Variants in DACH2 observed in about 807,000 individuals in gnomAD.
The protein encoded by DACH2 is dachshund homolog 2.
A neutral mutation model predicts 35.8 loss-of-function variants in DACH2; 17 were observed. The ratio of observed to expected loss-of-function variants is 0.48; its 90% CI spans 0.33 to 0.71. DACH2 has a LOEUF of 0.71. DACH2 is among the 30% of genes least tolerant of loss of function. The pLI, the probability that DACH2 is intolerant of heterozygous loss-of-function variation, is 0.02. For synonymous variants in DACH2, 195 were observed against 177.3 expected, an observed-to-expected ratio of 1.10 and a Z score of -0.79; for missense variants, 469 against 472.7, an observed-to-expected ratio of 0.99 and a Z score of 0.07.
chrX:86,427,657 T>C (rs1333937075), intron 2 of DACH2, among the ~76,000 whole-genome samples: 1 of 111,637 alleles, frequency 9.0e-6, no homozygotes, highest in Non-Finnish European at 1.9e-5. Flanking sequence ...AGAAAAAGAA[T>C]TCTTTTAACC....
intron 2 of DACH2, among the ~76,000 whole-genome samples, chrX:86,398,282 C>A (rs2148126801): frequency 8.9e-6 from 1 of 112,044 alleles, no homozygotes; most frequent in African/African-American, 3.2e-5. Flanking sequence ...TCTCTCTTTT[C>A]TTCTTTATTA....
At chrX:86,820,184 G>A (rs945817455) in intron 11 of DACH2, among the ~76,000 whole-genome samples, 35 of 110,879 alleles carry the variant, frequency 3.2e-4, no homozygotes, top group African/African-American at 1.0e-3. Context: ...TTTGTTTGGG[G>A]AAAAAAAATA....
intron 3 of DACH2, among the ~76,000 whole-genome samples, chrX:86,543,669 G>A (rs996463711): frequency 9.0e-6 from 1 of 110,536 alleles, no homozygotes; most frequent in East Asian, 2.9e-4. Context: ...CTTCAAGAAT[G>A]TCAGAATACA....
intron 1 of DACH2, among the ~76,000 whole-genome samples, chrX:86,369,357 T>C (rs1322565044): frequency 9.0e-6 from 1 of 111,361 alleles, no homozygotes; most frequent in African/African-American, 3.3e-5. Flanking sequence ...TATTTTATTT[T>C]AAAATCCTTG....
intron 2 of DACH2, among the ~76,000 whole-genome samples, chrX:86,425,203 G>T (rs762577970): frequency 3.0e-4 from 33 of 110,645 alleles, no homozygotes; most frequent in African/African-American, 1.0e-3. Flanking sequence ...GAATGAGTTT[G>T]GAAGTATTCC....
chrX:86,320,335 C>T (rs184875520), intron 1 of DACH2, among the ~76,000 whole-genome samples: 2 of 112,312 alleles, frequency 1.8e-5, no homozygotes, highest in African/African-American at 6.5e-5. Context: ...AATCCTTTTT[C>T]ATTAATTAAA....
chrX:86,402,729 A>G (rs912077770), intron 2 of DACH2, among the ~76,000 whole-genome samples: 1 of 112,049 alleles, frequency 8.9e-6, no homozygotes, highest in Non-Finnish European at 1.9e-5. Flanking sequence ...AGTCAAAGCA[A>G]TCCTGAGCAA....
chrX:86,272,271 T>C (rs1375904384), intron 1 of DACH2, among the ~76,000 whole-genome samples: 1 of 110,295 alleles, frequency 9.1e-6, no homozygotes, highest in Non-Finnish European at 1.9e-5. Context: ...TGCTTAGGTT[T>C]ATTTCATACC....
rs1556364404 is a variant in DACH2 at position 86,667,614 on chromosome X, A to AAGAAAGGC, written c.772+16449_772+16450insAAAGGCAG. On this transcript the variant is annotated intron_variant, in intron 4 of 11. Coordinates refer to ENST00000373125, the MANE Select transcript of DACH2 (RefSeq NM_053281.3). ...AAAGAAAGAAAGAAAGAAAGAAAGA[A>AAGAAAGGC]AGGCAGGCAGGCCCTGGTCTTAACC... 5.4e-4 allele frequency among the ~76,000 whole-genome samples: 52 copies of AAGAAAGGC among 96,880 alleles called. No individual in the cohort carries two copies. The East Asian group carries it at 5.7e-3, about 11-fold the overall frequency. The allele number at this position is 96,880 out of a possible 115,157, so 84.1% of individuals were successfully genotyped here.
rs1333268452 is a variant in DACH2, at chrX:86,656,857, G to GTGTGTGTATATATATATA, written c.772+5691_772+5692insGTGTGTATATATATATAT. On this transcript the variant is annotated intron_variant, in intron 4 of 11. Coordinates refer to ENST00000373125, the MANE Select transcript of DACH2 (RefSeq NM_053281.3). ...TGTATTAAAATACATGTGTGTGTGT[G>GTGTGTGTATATATATATA]TATATATATATATATATATATATAT... is the stretch of plus-strand genomic sequence containing the variant. Among the ~76,000 whole-genome samples the GTGTGTGTATATATATATA allele has an allele frequency of 1.5e-3, 98 of 66,727 alleles. 1 individual carries two copies. The highest frequency in any genetic ancestry group is 6.6e-3 in the African/African-American group (91 of 13,885). The allele number at this position is 66,727 out of a possible 115,157, so 57.9% of individuals were successfully genotyped here. A position where few individuals can be genotyped will look rare whatever the true frequency, so the allele number is the denominator to read the frequency against.
intron 7 of DACH2, among the ~76,000 whole-genome samples, chrX:86,780,934 A>T (rs749493098): frequency 9.0e-6 from 1 of 111,537 alleles, no homozygotes; most frequent in Admixed American, 9.5e-5. Context: ...GGAAAGGCTG[A>T]TGGCAGCATG....
At chrX:86,442,910 A>C (rs1034276775) in intron 2 of DACH2, among the ~76,000 whole-genome samples, 1 of 111,174 alleles carries the variant, frequency 9.0e-6, no homozygotes, top group Non-Finnish European at 1.9e-5. Context: ...TTTTTGGGCT[A>C]TCTTTTCTGT....
intron 1 of DACH2, among the ~76,000 whole-genome samples, chrX:86,295,359 A>G (rs1408535924): frequency 8.9e-6 from 1 of 112,084 alleles, no homozygotes. Context: ...TCAGATGGAA[A>G]TGCAGAAATC....
At chrX:86,653,663 CTTT>C (rs34499664) in intron 4 of DACH2, among the ~76,000 whole-genome samples, 6 of 69,664 alleles carry the variant, frequency 8.6e-5, no homozygotes, top group Non-Finnish European at 8.2e-5. Context: ...ATATAAAATC[CTTT>C]TTTTTTTTTT....
At chrX:86,323,563 A>G (rs1396880651) in intron 1 of DACH2, among the ~76,000 whole-genome samples, 5 of 111,689 alleles carry the variant, frequency 4.5e-5, no homozygotes, top group Non-Finnish European at 5.6e-5. Context: ...ATGGAAAGGA[A>G]AGGAGGAAAA....
chrX:86,814,934 G>A, intron 10 of DACH2, 100 bp downstream of exon 10: 1 of 913,699 alleles, frequency 1.1e-6, no homozygotes. Flanking sequence ...CAGAAAGAAA[G>A]GAAGGGAGAG....
intron 3 of DACH2, among the ~76,000 whole-genome samples, chrX:86,643,461 A>G (rs1253346178): frequency 1.8e-5 from 2 of 108,144 alleles, no homozygotes; most frequent in Non-Finnish European, 3.8e-5. Context: ...CTGAAATTGA[A>G]TCAGTAATAA....
At chrX:86,465,666 T>C (rs1335478678) in intron 2 of DACH2, among the ~76,000 whole-genome samples, 1 of 112,024 alleles carries the variant, frequency 8.9e-6, no homozygotes, top group Non-Finnish European at 1.9e-5. Flanking sequence ...TTAATCATAG[T>C]AGAGGGTTTG....
chrX:86,787,618 C>CAA (rs5902916), intron 7 of DACH2, among the ~76,000 whole-genome samples: 1 of 72,291 alleles, frequency 1.4e-5, no homozygotes, highest in African/African-American at 5.0e-5. Flanking sequence ...AACTCAGTCT[C>CAA]AAAAAAAAAA....
Sources: gnomAD v4.1 joint callset for allele counts (sites outside exome capture counted in the v4.1 genomes callset) on GRCh38, gnomAD v4.1.1 for gene constraint, MANE v1.5 for transcripts, NCBI Gene and HGNC (gene_info 2026-07-23, HGNC 2026-07-21) for gene names.